Variants in AHDC1 observed in about 807,000 individuals in gnomAD.
AHDC1 encodes AT-hook DNA binding motif containing 1.
Under a neutral mutation model 87.9 loss-of-function variants are expected in AHDC1, and 7 were observed. That is an observed-to-expected ratio of 0.08 (90% CI 0.05 to 0.15). AHDC1 has a LOEUF of 0.15. Among genes scored for constraint, AHDC1 ranks in the 10% least tolerant of loss-of-function variants. The pLI is 1.00. For missense variants in AHDC1, 1,841 were observed against 2,253.2 expected (o/e 0.82, Z 3.70); for synonymous variants, 1,051 against 1,006.8 (o/e 1.04, Z -0.83).
At position 27,549,035 on chromosome 1, in the gene AHDC1, GC is replaced by G; in HGVS notation, c.3080del (p.Gly1027AlafsTer115). ...AGGCCTTGCTTGGTGGCAGGCAGGG[GC>G]CCCCGGTAGGCGGTGGGGCATAGCC... The part of the protein sequence containing the change: ...SAGYAPPPTG[G>X]PCLPPSKASF... On this transcript the variant is annotated frameshift_variant, in exon 8 of 9. Transcript: ENST00000673934. LOFTEE classifies it high-confidence loss of function. The G allele has an allele frequency of 9.5e-6, 15 of 1,574,532 alleles. No individual in the cohort carries two copies. The highest frequency in any genetic ancestry group is 7.3e-5 in the Admixed American group (4 of 55,000).
At chr1:27,552,386 T>G in intron 7 of AHDC1, 197 bp from the exon 8 acceptor site, 1 of 404,648 alleles carries the variant, frequency 2.5e-6, no homozygotes, top group Non-Finnish European at 4.1e-6. Context: ...GAGCCCCTCA[T>G]GGGCCCAGTT....
chr1:27,585,764 C>T (rs964387666), intron 3 of AHDC1, among the ~76,000 whole-genome samples: 1 of 152,142 alleles, frequency 6.6e-6, no homozygotes, highest in Non-Finnish European at 1.5e-5. Context: ...CCACCCTAGT[C>T]CTCAAGCCAC....
chr1:27,538,400 C>CAAACAAAAAAAAAAAAAAAAAAA (rs2018744417), intron 8 of AHDC1, among the ~76,000 whole-genome samples: 1 of 60,704 alleles, frequency 1.6e-5, no homozygotes, highest in Non-Finnish European at 3.6e-5. Flanking sequence ...AAGACTGTCT[C>CAAACAAAAAAAAAAAAAAAAAAA]AAAAAAAAAA....
chr1:27,573,919 A>T (rs2148408065), intron 3 of AHDC1, among the ~76,000 whole-genome samples: 1 of 152,332 alleles, frequency 6.6e-6, no homozygotes, highest in Middle Eastern at 3.4e-3. Context: ...TGGGGCCTTG[A>T]GCTCCTTCCA....
At chr1:27,570,945 G>A (rs2020538034) in intron 3 of AHDC1, among the ~76,000 whole-genome samples, 1 of 152,012 alleles carries the variant, frequency 6.6e-6, no homozygotes, top group Admixed American at 6.5e-5. Context: ...GGTCTGAGCT[G>A]ACCACATGAG....
At chr1:27,535,804 T>C (rs973527460) in intron 8 of AHDC1, among the ~76,000 whole-genome samples, 7 of 152,138 alleles carry the variant, frequency 4.6e-5, no homozygotes, top group Non-Finnish European at 7.4e-5. Flanking sequence ...GTTCTCATTA[T>C]GCTTGCGGGG....
chr1:27,594,246 G>T (rs909304947), intron 3 of AHDC1, among the ~76,000 whole-genome samples: 1 of 152,044 alleles, frequency 6.6e-6, no homozygotes, highest in Non-Finnish European at 1.5e-5. Flanking sequence ...ATTTGGGGGT[G>T]GGGGGTAGTA....
rs2148287488 is a variant in AHDC1, at chr1:27,550,823, T to C, written c.1293A>G (p.Pro431=). 6.4e-7 allele frequency: 1 copy of C among 1,564,510 alleles called. No homozygotes were observed. The highest frequency in any genetic ancestry group is 8.6e-7 in the Non-Finnish European group (1 of 1,156,758). Residue 431 remains proline, a synonymous_variant, in exon 8 of 9, where the codon CCA becomes CCG. Transcript: ENST00000673934. ...GLVAALAEPP[P]PPPPPPPALP... is the part of the protein sequence containing the mutation. ...GGGCAGGGGGTGGAGGAGGCGGTGGTGGTGGGGGTTCGGCCAGGGCAGCCA... is the reference window on the plus strand; with the variant it reads ...GGGCAGGGGGTGGAGGAGGCGGTGGCGGTGGGGGTTCGGCCAGGGCAGCCA...
rs2020111119 is a variant in AHDC1 at position 27,562,056 on chromosome 1, G to C, written c.-628-3173C>G. On this transcript the variant is annotated intron_variant, in intron 3 of 8. Coordinates refer to ENST00000673934, the MANE Select transcript of AHDC1 (RefSeq NM_001371928.1). This position sits in a 1 kb window ranked among gnomAD's most constrained non-coding sequence, Gnocchi z 4.4. ...AGGCAGAGATGGGAAAGGCAGGAGA[G>C]AGCAGGGACCAGGGGTTTCTGCAGG... Among the ~76,000 whole-genome samples, 1 of 152,098 alleles carries C rather than the reference G, an allele frequency of 6.6e-6. No homozygotes were observed. The highest frequency in any genetic ancestry group is 1.5e-5 in the Non-Finnish European group (1 of 68,000).
At chr1:27,575,953 C>A (rs966648222) in intron 3 of AHDC1, among the ~76,000 whole-genome samples, 2 of 151,912 alleles carry the variant, frequency 1.3e-5, no homozygotes, top group Non-Finnish European at 2.9e-5. Flanking sequence ...GGGTCGGGCT[C>A]GGGCTCTGCC....
rs560934289 is a variant in AHDC1 at position 27,559,185 on chromosome 1, G to C, written c.-628-302C>G. 2.7e-3 allele frequency among the ~76,000 whole-genome samples: 409 copies of C among 152,112 alleles called. 4 individuals are homozygous for C. Among genetic ancestry groups the C allele is most frequent in the African/African-American group, 9.5e-3 (394 of 41,482 alleles). On this transcript the variant is annotated intron_variant, in intron 3 of 8. Transcript: ENST00000673934. ...TCCCACCTCAGCCTCCCGAGTAGCT[G>C]GGGCTACAGGTATGCACCACCATGC...
chr1:27,550,915 G>A lies in AHDC1; in HGVS notation c.1201C>T (p.Arg401Trp), dbSNP rs1429232658. Reference sequence around the variant, plus strand: ...GGTCCGGCGTCTGCCTTGCGTCCCCGTCCGGCTTTCCGCCGGCGACACAGG... The same window carrying A: ...GGTCCGGCGTCTGCCTTGCGTCCCCATCCGGCTTTCCGCCGGCGACACAGG... Reference protein sequence around the residue: ...KILCRRRKAGRGRKADAGPEG... With the variant: ...KILCRRRKAGWGRKADAGPEG... Residue 401 changes from arginine to tryptophan, a missense_variant, in exon 8 of 9, where the codon CGG becomes TGG. Physicochemically the swap from Arg to Trp is moderately radical, Grantham distance 101. Coordinates refer to ENST00000673934, the MANE Select transcript of AHDC1 (RefSeq NM_001371928.1). 5.6e-6 allele frequency: 9 copies of A among 1,597,504 alleles called. No individual in the cohort carries two copies. The highest frequency in any genetic ancestry group is 2.2e-5 in the East Asian group (1 of 44,622).
chr1:27,551,813 G>A lies in AHDC1; in HGVS notation c.303C>T (p.Val101=), dbSNP rs373099753. Residue 101 remains valine, a synonymous_variant, in exon 8 of 9, where the codon GTC becomes GTT. Transcript: ENST00000673934. ...PVSQARCPTP[V]GDGSSSRRCW... The stretch of plus-strand genomic sequence containing the variant: ...AGCGTCGGGAGCTGCTGCCGTCTCC[G>A]ACCGGTGTGGGGCAGCGGGCCTGTG... The A allele has an allele frequency of 3.2e-5, 52 of 1,612,246 alleles. No individual in the cohort carries two copies. In the Admixed American group the frequency reaches 4.3e-4, roughly 13 times the overall value.
chr1:27,564,381 T>C (rs1306094614), intron 3 of AHDC1, among the ~76,000 whole-genome samples: 1 of 152,218 alleles, frequency 6.6e-6, no homozygotes, highest in African/African-American at 2.4e-5. Flanking sequence ...CACAGAGGGC[T>C]CCAGCCCGCC....
Position 27,558,786 on chromosome 1 carries a change from G to GCCTGAGC in AHDC1, c.-538_-532dup. ...CATCTCCAGGGTGGTCTCTGCAACG[G>GCCTGAGC]CCTGAGCGTCGCCCCGCACTCGGGG... is the stretch of plus-strand genomic sequence containing the variant. On this transcript the variant is annotated 5_prime_UTR_variant, in exon 4 of 9. The change abolishes the stop of an existing upstream ORF in the 5' untranslated region. Transcript: ENST00000673934. The surrounding 1 kb of genome is among the most constrained non-coding windows in gnomAD (Gnocchi z 5.6). 2.5e-6 allele frequency: 1 copy of GCCTGAGC among 398,638 alleles called. No individual in the cohort carries two copies. Among genetic ancestry groups the GCCTGAGC allele is most frequent in the Middle Eastern group, 6.3e-4 (1 of 1,590 alleles). The allele number at this position is 398,638 out of a possible 1,614,324, so 24.7% of individuals were successfully genotyped here. A position where few individuals can be genotyped will look rare whatever the true frequency, so the allele number is the denominator to read the frequency against.
At position 27,552,123 on chromosome 1, in the gene AHDC1, T is replaced by C. The variant is rs2019606897; in HGVS notation, c.-8A>G. On this transcript the variant is annotated 5_prime_UTR_variant, in exon 8 of 9. Coordinates refer to ENST00000673934, the MANE Select transcript of AHDC1 (RefSeq NM_001371928.1). ...CTGGGGCTTCACACGCATCCTGACC[T>C]TGTCCTCCGCAGGCCGCCGGGCGGG... The C allele has an allele frequency of 6.9e-7, 1 of 1,441,306 alleles. No homozygotes were observed. Among genetic ancestry groups the C allele is most frequent in the Non-Finnish European group, 9.1e-7 (1 of 1,097,158 alleles). 89.3% of individuals were successfully genotyped at this position (1,441,306 alleles called of 1,614,324 possible). A position where few individuals can be genotyped will look rare whatever the true frequency, so the allele number is the denominator to read the frequency against.
chr1:27,540,676 G>C (rs1391228316), intron 8 of AHDC1, among the ~76,000 whole-genome samples: 1 of 152,098 alleles, frequency 6.6e-6, no homozygotes. Context: ...CCCAGGCCAG[G>C]AACAGCAAAA....
Position 27,546,448 on chromosome 1 carries a change from T to G in AHDC1, c.*43+813A>C, listed in dbSNP as rs866218691. On this transcript the variant is annotated intron_variant, in intron 8 of 8. Transcript: ENST00000673934. ...CATTTAACACTCTTTAACTGAACTC[T>G]CAGAAAAGTCTTTGGCTTCAGGAAA... Among the ~76,000 whole-genome samples the G allele has an allele frequency of 2.0e-5, 3 of 152,330 alleles. No individual in the cohort carries two copies. The Middle Eastern group carries it at 0.01, about 518-fold the overall frequency.
In AHDC1 at chr1:27,551,375, C is replaced by A; in HGVS notation, c.741G>T (p.Glu247Asp). 1 of 1,613,760 alleles carries A rather than the reference C, an allele frequency of 6.2e-7. No individual in the cohort carries two copies. The highest frequency in any genetic ancestry group is 1.3e-5 in the African/African-American group (1 of 75,052). ...CCTCTGGGCAAGTGAGGGAGGCCAG[C>A]TCACTAAGGATGTCGGCGTCAGCAA... is the stretch of plus-strand genomic sequence containing the variant. ...SELADADILS[E>D]LASLTCPEAQ... The change falls in exon 8 of 9, where the codon GAG becomes GAT. Residue 247 changes from glutamate to aspartate, a missense_variant. By Grantham distance (45) the Glu-to-Asp change is conservative. Around this residue, in one of 13 missense-constraint regions of AHDC1, gnomAD observed 370 missense variants for 391.5 expected, o/e 0.95. Transcript: ENST00000673934.
Sources: gnomAD v4.1 joint callset for allele counts (sites outside exome capture counted in the v4.1 genomes callset) on GRCh38, gnomAD v4.1.1 for gene constraint, gnomAD v4.1.1 regional missense constraint, Gnocchi (gnomAD v3.1) non-coding constraint, MANE v1.5 for transcripts, NCBI Gene and HGNC (gene_info 2026-07-23, HGNC 2026-07-21) for gene names.